TLE4: variants seen among roughly 807,000 people sequenced by gnomAD.
TLE4 encodes TLE family member 4, transcriptional corepressor.
In TLE4, 8 loss-of-function variants were observed where a neutral mutation model predicts 92.8. The observed-to-expected ratio is 0.09, with a 90% CI of 0.05 to 0.16. The LOEUF is 0.16. Among genes scored for constraint, TLE4 ranks in the 10% least tolerant of loss-of-function variants. TLE4 has a pLI of 1.00. For synonymous variants in TLE4, 371 were observed against 374.1 expected (o/e 0.99, Z 0.10); for missense variants, 675 against 997.6 (o/e 0.68, Z 4.36).
intron 19 of TLE4, 70 bp from the exon 20 acceptor site, chr9:79,724,967 T>C: frequency 8.3e-7 from 1 of 1,200,088 alleles, no homozygotes; most frequent in Non-Finnish European, 1.2e-6. Flanking sequence ...TTGCATTTGC[T>C]CTAAGTCCTC....
At chr9:79,681,831 CATGTGTGT>C (rs1434780728) in intron 8 of TLE4, among the ~76,000 whole-genome samples, 20 of 68,088 alleles carry the variant, frequency 2.9e-4, no homozygotes, top group African/African-American at 1.1e-3. Context: ...AGAGTGTGTG[CATGTGTGT>C]GTGTGTGTGT....
chr9:79,699,798 A>G (rs1413037965), intron 8 of TLE4, among the ~76,000 whole-genome samples: 2 of 152,236 alleles, frequency 1.3e-5, no homozygotes, highest in Non-Finnish European at 2.9e-5. Flanking sequence ...TAGAAAGTCC[A>G]TTGTGGAGAT....
In TLE4 at chr9:79,608,158, C is replaced by T. The variant is rs553211575; in HGVS notation, c.253-4498C>T. Among the ~76,000 whole-genome samples the T allele has an allele frequency of 1.5e-3, 224 of 152,080 alleles. 1 individual carries two copies. Among genetic ancestry groups the T allele is most frequent in the Admixed American group, 4.7e-3 (71 of 15,250 alleles). On this transcript the variant is annotated intron_variant, in intron 4 of 19. Transcript: ENST00000376552. ...TTTTATGTGTTACATGTTATTAACA[C>T]TTTTGTAAAATTGATTTTTGATAAG...
chr9:79,672,834 C>T (rs116305743), intron 8 of TLE4, among the ~76,000 whole-genome samples: 132 of 152,252 alleles, frequency 8.7e-4, no homozygotes, highest in African/African-American at 3.0e-3. Context: ...GCATGTGTTT[C>T]TGTAGCTCAG....
intron 10 of TLE4, among the ~76,000 whole-genome samples, chr9:79,706,169 C>T (rs935910661): frequency 2.6e-5 from 4 of 151,966 alleles, no homozygotes; most frequent in Admixed American, 6.6e-5. Flanking sequence ...TTCAGCCTCC[C>T]GAGTAGCTGG....
intron 6 of TLE4, among the ~76,000 whole-genome samples, chr9:79,648,075 G>T (rs1432581326): frequency 1.3e-5 from 2 of 152,208 alleles, no homozygotes; most frequent in African/African-American, 4.8e-5. Flanking sequence ...TCCCTGGATG[G>T]TGTTGCACAG....
chr9:79,652,524 C>T, intron 6 of TLE4, 69 bp from the exon 7 acceptor site: 2 of 1,566,830 alleles, frequency 1.3e-6, no homozygotes, highest in Non-Finnish European at 1.8e-6. Context: ...TGCCTCCTTT[C>T]TGTTTCTCTT....
intron 14 of TLE4, 74 bp from the exon 15 acceptor site, chr9:79,718,648 A>C (rs193079532): frequency 1.3e-6 from 2 of 1,498,180 alleles, no homozygotes; most frequent in Admixed American, 2.3e-5. Context: ...TTTATTTCTC[A>C]TCTCATTACA....
chr9:79,714,710 G>A (rs1005546211), intron 14 of TLE4, among the ~76,000 whole-genome samples: 3 of 152,180 alleles, frequency 2.0e-5, no homozygotes, highest in Non-Finnish European at 4.4e-5. Flanking sequence ...TAACTAGATT[G>A]TTAGTCACTT....
intron 8 of TLE4, among the ~76,000 whole-genome samples, chr9:79,662,357 C>A (rs994379317): frequency 6.6e-6 from 1 of 152,088 alleles, no homozygotes; most frequent in African/African-American, 2.4e-5. Context: ...AGTGATGCCA[C>A]CCAGTGAGAG....
At chr9:79,596,740 A>G (rs1300622487) in intron 4 of TLE4, among the ~76,000 whole-genome samples, 2 of 152,172 alleles carry the variant, frequency 1.3e-5, no homozygotes, top group Admixed American at 6.5e-5. Flanking sequence ...ACCTTAAGGG[A>G]TTTTATTCGT....
chr9:79,651,030 G>A (rs974173272), intron 6 of TLE4, among the ~76,000 whole-genome samples: 7 of 45,654 alleles, frequency 1.5e-4, no homozygotes, highest in African/African-American at 5.8e-4. Flanking sequence ...TGGAATGATC[G>A]ATCTCTCTCT....
intron 14 of TLE4, among the ~76,000 whole-genome samples, chr9:79,717,778 C>T (rs1184315677): frequency 6.6e-6 from 1 of 152,210 alleles, no homozygotes; most frequent in Non-Finnish European, 1.5e-5. Flanking sequence ...GATTCCCAAG[C>T]TCCGTGCCCA....
intron 14 of TLE4, among the ~76,000 whole-genome samples, chr9:79,710,932 A>G (rs2073123688): frequency 6.6e-6 from 1 of 152,188 alleles, no homozygotes; most frequent in Non-Finnish European, 1.5e-5. Flanking sequence ...TATTCAGGGA[A>G]TGGATATGTG....
At chr9:79,711,641 T>C (rs2073315118) in intron 14 of TLE4, among the ~76,000 whole-genome samples, 1 of 152,186 alleles carries the variant, frequency 6.6e-6, no homozygotes, top group South Asian at 2.1e-4. Context: ...TAAGTGTCTT[T>C]AAGGAAACAC....
rs561156563 is a variant in TLE4 at position 79,725,296 on chromosome 9, C to T, written c.*152C>T. 8.8e-6 allele frequency: 5 copies of T among 567,356 alleles called. No individual in the cohort carries two copies. Among genetic ancestry groups the T allele is most frequent in the African/African-American group, 7.5e-5 (4 of 53,018 alleles). The allele number at this position is 567,356 out of a possible 1,614,324, so 35.1% of individuals were successfully genotyped here. A position where few individuals can be genotyped will look rare whatever the true frequency, so the allele number is the denominator to read the frequency against. Reference sequence around the variant, plus strand: ...AATCCCCTTTCTTAACCTCACTTCCCACTTGCTATTGAATTGTGAATAGTC... The same window carrying T: ...AATCCCCTTTCTTAACCTCACTTCCTACTTGCTATTGAATTGTGAATAGTC... On this transcript the variant is annotated 3_prime_UTR_variant, in exon 20 of 20. Coordinates refer to ENST00000376552, the MANE Select transcript of TLE4 (RefSeq NM_007005.6).
chr9:79,580,965 T>A (rs1387414337), intron 4 of TLE4, among the ~76,000 whole-genome samples: 2 of 152,148 alleles, frequency 1.3e-5, no homozygotes, highest in East Asian at 3.9e-4. Flanking sequence ...TCAGATACAA[T>A]TATAAGACTA....
chr9:79,716,585 G>A (rs2074540212), intron 14 of TLE4, among the ~76,000 whole-genome samples: 1 of 152,178 alleles, frequency 6.6e-6, no homozygotes, highest in Non-Finnish European at 1.5e-5. Flanking sequence ...GAGGCATTTA[G>A]GAAGTATTTG....
intron 5 of TLE4, among the ~76,000 whole-genome samples, chr9:79,614,324 G>A (rs572486042): frequency 1.3e-5 from 2 of 152,236 alleles, no homozygotes; most frequent in African/African-American, 2.4e-5. Context: ...TATGGCTTTG[G>A]TCTCATCACA....
Sources: allele counts gnomAD v4.1 joint callset (sites outside exome capture counted in the v4.1 genomes callset), GRCh38; gene constraint gnomAD v4.1.1; transcripts MANE v1.5; gene names NCBI Gene and HGNC (gene_info 2026-07-23, HGNC 2026-07-21).